Variants in ARID1A observed in about 807,000 individuals in gnomAD.
ARID1A encodes the protein AT-rich interaction domain 1A.
ARID1A carries 20 observed loss-of-function variants against 212.6 expected under a neutral mutation model. The ratio of observed to expected loss-of-function variants is 0.09; its 90% confidence interval spans 0.07 to 0.14. The LOEUF is 0.14. Among genes scored for constraint, ARID1A ranks in the 10% least tolerant of loss-of-function variants. The pLI, the probability that ARID1A is intolerant of heterozygous loss-of-function variation, is 1.00. For synonymous variants in ARID1A, 1,376 were observed against 1,222.1 expected, an observed-to-expected ratio of 1.13 and a Z score of -2.63; for missense variants, 2,587 against 3,059.0, an observed-to-expected ratio of 0.85 and a Z score of 3.64.
intron 5 of ARID1A, 127 bp from the exon 6 acceptor site, chr1:26,761,257 C>A: frequency 6.9e-7 from 1 of 1,450,600 alleles, no homozygotes. Context: ...TTGGCTGGAT[C>A]TCTTTGTGTG....
rs542004710 is a variant in ARID1A, at chr1:26,762,149, T to C, written c.2252-3T>C. 1 of 1,609,818 alleles carries C rather than the reference T, an allele frequency of 6.2e-7. No individual in the cohort carries two copies. Among genetic ancestry groups the C allele is most frequent in the South Asian group, 1.1e-5 (1 of 90,610 alleles). ...TAACTATATGGATGCTACCCACAAA[T>C]AGGTTATATGCAGAGGAACCCCCAG... On this transcript the variant is annotated splice_polypyrimidine_tract_variant and splice_region_variant and intron_variant, in intron 6 of 19. Coordinates refer to ENST00000324856, the MANE Select transcript of ARID1A (RefSeq NM_006015.6).
intron 1 of ARID1A, among the ~76,000 whole-genome samples, chr1:26,703,967 T>G (rs949147354): frequency 6.6e-6 from 1 of 152,236 alleles, no homozygotes; most frequent in Non-Finnish European, 1.5e-5. Flanking sequence ...TCAATCAGTT[T>G]GGCAGGGTTA....
chr1:26,718,559 A>C (rs374826167), intron 1 of ARID1A, among the ~76,000 whole-genome samples: 51 of 152,278 alleles, frequency 3.3e-4, no homozygotes, highest in African/African-American at 1.2e-3. Context: ...AATTTGTGGA[A>C]TATATAAAAT....
Position 26,775,311 on chromosome 1 carries a change from A to G in ARID1A, c.4993+91A>G, listed in dbSNP as rs1570617217. The G allele has an allele frequency of 9.4e-6, 14 of 1,488,492 alleles. No individual in the cohort carries two copies. In the East Asian group the frequency reaches 3.0e-4, roughly 32 times the overall value. The allele number at this position is 1,488,492 out of a possible 1,614,324, so 92.2% of individuals were successfully genotyped here. A position where few individuals can be genotyped will look rare whatever the true frequency, so the allele number is the denominator to read the frequency against. On this transcript the variant is annotated intron_variant, in intron 18 of 19. Coordinates refer to ENST00000324856, the MANE Select transcript of ARID1A (RefSeq NM_006015.6). ...ACCTTACTATTCTGGATGAGGTTGA[A>G]TCTGGTCCAGTGTTGACTAAAATAG...
chr1:26,726,776 A>G (rs1161224012), intron 1 of ARID1A, among the ~76,000 whole-genome samples: 1 of 152,240 alleles, frequency 6.6e-6, no homozygotes, highest in Non-Finnish European at 1.5e-5. Flanking sequence ...GCTTCCCAGA[A>G]GTTAGTCTTG....
chr1:26,736,788 T>G (rs1267636302), intron 4 of ARID1A, among the ~76,000 whole-genome samples: 2 of 141,386 alleles, frequency 1.4e-5, no homozygotes, highest in Admixed American at 7.1e-5. Flanking sequence ...TGTAATCCCA[T>G]CTACTCGGGA....
intron 17 of ARID1A, 72 bp downstream of exon 17, chr1:26,773,970 G>A (rs924733516): frequency 9.8e-6 from 15 of 1,536,276 alleles, no homozygotes; most frequent in Middle Eastern, 3.7e-4. Flanking sequence ...CTAATCTAAC[G>A]TGTTGAAGTC....
intron 1 of ARID1A, among the ~76,000 whole-genome samples, chr1:26,716,361 C>G (rs535353125): frequency 1.3e-5 from 2 of 152,062 alleles, no homozygotes; most frequent in Non-Finnish European, 2.9e-5. Flanking sequence ...GGAGTACTTT[C>G]TAGTGGGGAA....
At chr1:26,749,311 G>A (rs891049682) in intron 4 of ARID1A, among the ~76,000 whole-genome samples, 7 of 152,140 alleles carry the variant, frequency 4.6e-5, no homozygotes, top group African/African-American at 1.7e-4. Context: ...GGGGACAGCT[G>A]TGAGGAGCAC....
Position 26,779,236 on chromosome 1 carries a change from G to A in ARID1A, c.5338G>A (p.Glu1780Lys), listed in dbSNP as rs772578230. ...TAAACTAGAAGAGGAAGAAGAAGAG[G>A]AAGTAGTTGAAAATGATGAGGAGAT... ...GPKLEEEEEE[E>K]VVENDEEIAF... The change falls in exon 20 of 20, where the codon GAA (glutamate) becomes AAA (lysine). Residue 1780 changes from glutamate (E) to lysine (K), a missense_variant. Physicochemically the swap from Glu to Lys is moderately conservative, Grantham distance 56 (BLOSUM62 1). Coordinates refer to ENST00000324856, the MANE Select transcript of ARID1A (RefSeq NM_006015.6). 2 of 1,614,024 alleles carry A rather than the reference G, an allele frequency of 1.2e-6. No homozygotes were observed. The highest frequency in any genetic ancestry group is 2.2e-5 in the East Asian group (1 of 44,896).
rs2124741770 is a variant in ARID1A, at chr1:26,696,817, A to G, written c.414A>G (p.Ser138=). Residue 138 remains serine (S), a synonymous_variant, in exon 1 of 20, where the codon TCA becomes TCG. Coordinates refer to ENST00000324856, the MANE Select transcript of ARID1A (RefSeq NM_006015.6). ...ATGGGGTGGGGGCGCCTCCTCACTC[A>G]GCCGCGGCCGCCTTGCCGCCCCCAG... The part of the protein sequence containing the change: ...SSDGVGAPPH[S]AAAALPPPAY... The G allele has an allele frequency of 7.5e-7, 1 of 1,337,980 alleles. No homozygotes were observed. The highest frequency in any genetic ancestry group is 2.0e-5 in the South Asian group (1 of 49,512). 82.9% of individuals were successfully genotyped at this position (1,337,980 alleles called of 1,614,324 possible). A position where few individuals can be genotyped will look rare whatever the true frequency, so the allele number is the denominator to read the frequency against.
intron 4 of ARID1A, among the ~76,000 whole-genome samples, chr1:26,745,045 C>T (rs530863964): frequency 3.7e-4 from 57 of 152,142 alleles, no homozygotes; most frequent in Non-Finnish European, 7.6e-4. Flanking sequence ...AATACTGAGT[C>T]AGAGGATTTC....
chr1:26,697,007 T>G lies in ARID1A; in HGVS notation c.604T>G (p.Ser202Ala). 6.5e-7 allele frequency: 1 copy of G among 1,528,892 alleles called. No homozygotes were observed. The highest frequency in any genetic ancestry group is 8.8e-7 in the Non-Finnish European group (1 of 1,141,854). The allele number at this position is 1,528,892 out of a possible 1,614,324, so 94.7% of individuals were successfully genotyped here. ...GCCCTACGCGGGGCCCCAGCAGAAC[T>G]CTCACGACCACGGCTTCCCCAACCA... ...LEPYAGPQQN[S>A]HDHGFPNHQY... is the part of the protein sequence containing the mutation. The change falls in exon 1 of 20, where the codon TCT (serine) becomes GCT (alanine). Residue 202 changes from serine (S) to alanine (A), a missense_variant. Physicochemically the swap from Ser to Ala is moderately conservative, Grantham distance 99 (BLOSUM62 1). Transcript: ENST00000324856.
At chr1:26,730,539 A>T (rs935198638) in intron 2 of ARID1A, among the ~76,000 whole-genome samples, 4 of 152,232 alleles carry the variant, frequency 2.6e-5, no homozygotes, top group Admixed American at 2.6e-4. Context: ...TAATATAGAA[A>T]ATTGTCTCTT....
intron 4 of ARID1A, 102 bp from the exon 5 acceptor site, chr1:26,760,754 T>G: frequency 7.7e-7 from 1 of 1,304,660 alleles, no homozygotes; most frequent in Non-Finnish European, 1.1e-6. Context: ...ATGTATTTGC[T>G]CTTGGTTGTT....
At chr1:26,728,626 A>T (rs1200291033) in intron 1 of ARID1A, among the ~76,000 whole-genome samples, 1 of 152,192 alleles carries the variant, frequency 6.6e-6, no homozygotes, top group Non-Finnish European at 1.5e-5. Flanking sequence ...ACGGTTAATG[A>T]TAGGCCTAGA....
intron 19 of ARID1A, 47 bp from the exon 20 acceptor site, chr1:26,778,976 A>T: frequency 6.7e-7 from 1 of 1,487,576 alleles, no homozygotes; most frequent in Non-Finnish European, 9.0e-7. Flanking sequence ...TTCTGTTCTT[A>T]GGCCACTTTT....
intron 4 of ARID1A, among the ~76,000 whole-genome samples, chr1:26,740,443 T>A (rs2080777459): frequency 6.6e-6 from 1 of 152,224 alleles, no homozygotes. Context: ...TCAGTCAGTA[T>A]GAGCTAGATG....
intron 4 of ARID1A, among the ~76,000 whole-genome samples, chr1:26,742,446 A>G (rs1024752399): frequency 5.9e-5 from 9 of 152,184 alleles, no homozygotes; most frequent in Admixed American, 3.3e-4. Context: ...TTCTTAGAAC[A>G]TACTGTCCTG....
Sources: gnomAD v4.1 joint callset for allele counts (sites outside exome capture counted in the v4.1 genomes callset) on GRCh38, gnomAD v4.1.1 for gene constraint, MANE v1.5 for transcripts, NCBI Gene and HGNC (gene_info 2026-07-23, HGNC 2026-07-21) for gene names.